ZNF630: variants seen among roughly 807,000 people sequenced by gnomAD.
ZNF630 encodes zinc finger protein 630.
A neutral mutation model predicts 7.2 loss-of-function variants in ZNF630; 5 were observed. The ratio of observed to expected loss-of-function variants is 0.70; its 90% confidence interval spans 0.36 to 1.46. ZNF630 has a LOEUF of 1.46. Among genes scored for constraint, ZNF630 ranks in the 40% most tolerant of loss-of-function variants. The probability of loss-of-function intolerance (pLI) is 0.03; values close to 1 mark genes in which losing one functional copy is unlikely to be tolerated. For missense variants in ZNF630, 461 were observed against 477.0 expected, an observed-to-expected ratio of 0.97 and a Z score of 0.31; for synonymous variants, 158 against 162.8, an observed-to-expected ratio of 0.97 and a Z score of 0.23.
At position 48,059,878 on chromosome X, in the gene ZNF630, A is replaced by G; in HGVS notation, c.564T>C (p.Asn188=). 2 of 1,207,878 alleles carry G rather than the reference A, an allele frequency of 1.7e-6. No homozygotes were observed. The highest frequency in any genetic ancestry group is 2.2e-6 in the Non-Finnish European group (2 of 892,990). The part of the protein sequence containing the change: ...FDSCENSLKS[N]SDLLNYNRSY... Reference sequence around the variant, plus strand: ...TCCTGTTATAATTTAGTAAGTCTGAATTAGACTTCAAGCTATTTTCACATG... The same window carrying G: ...TCCTGTTATAATTTAGTAAGTCTGAGTTAGACTTCAAGCTATTTTCACATG... Residue 188 remains asparagine, a synonymous_variant, in exon 5 of 5, where the codon AAT becomes AAC. Coordinates refer to ENST00000276054, the MANE Select transcript of ZNF630 (RefSeq NM_001282201.2).
In ZNF630 at chrX:48,059,413, T is replaced by A; in HGVS notation, c.1029A>T (p.Gly343=). 1 of 1,208,031 alleles carries A rather than the reference T, an allele frequency of 8.3e-7. No individual in the cohort carries two copies. The highest frequency in any genetic ancestry group is 1.8e-5 in the South Asian group (1 of 56,902). The change falls in exon 5 of 5, where the codon GGA becomes GGT. Residue 343 remains glycine, a synonymous_variant. Transcript: ENST00000276054. ...ACTCAAAACACTCATAGGGTTTCTC[T>A]CCAGTATGGACTCTCTGATGAACAG... The part of the protein sequence containing the change: ...PFTVHQRVHT[G]EKPYECFECP...
chrX:48,060,868 G>A lies in ZNF630; in HGVS notation c.93C>T (p.Thr31=), dbSNP rs782678004. Residue 31 remains threonine, a synonymous_variant, in exon 3 of 5, where the codon ACC becomes ACT. Coordinates refer to ENST00000276054, the MANE Select transcript of ZNF630 (RefSeq NM_001282201.2). ...TCTCCAGCATCACATCCCTATGCAG[G>A]GTCTTCTGAGCAGGATTCAACTGCT... The part of the protein sequence containing the change: ...EWQQLNPAQK[T]LHRDVMLETY... The A allele has an allele frequency of 8.3e-7, 1 of 1,205,410 alleles. No individual in the cohort carries two copies. The highest frequency in any genetic ancestry group is 1.1e-6 in the Non-Finnish European group (1 of 891,417).
Position 48,059,312 on chromosome X carries a change from C to G in ZNF630, c.1130G>C (p.Cys377Ser), listed in dbSNP as rs79085784. 4.6e-4 allele frequency: 556 copies of G among 1,207,014 alleles called. 7 individuals are homozygous for G. In the African/African-American group the frequency reaches 8.6e-3, roughly 19 times the overall value. The change falls in exon 5 of 5, where the codon TGC becomes TCC. Residue 377 changes from cysteine (C) to serine (S), a missense_variant. Physicochemically the swap from Cys to Ser is moderately radical, Grantham distance 112. Coordinates refer to ENST00000276054, the MANE Select transcript of ZNF630 (RefSeq NM_001282201.2). ...ACAGAAGGCTTTCCTGCATTCACTGCATTCAAAGGGCTTCTCTCTGGTATG... is the reference window on the plus strand; with the variant it reads ...ACAGAAGGCTTTCCTGCATTCACTGGATTCAAAGGGCTTCTCTCTGGTATG... Reference protein sequence around the residue: ...RVHTREKPFECSECRKAFCEM... With the variant: ...RVHTREKPFESSECRKAFCEM...
In ZNF630 at chrX:48,059,211, T is replaced by C. The variant is rs782535907; in HGVS notation, c.1231A>G (p.Thr411Ala). 139 of 1,207,908 alleles carry C rather than the reference T, an allele frequency of 1.2e-4. 4 individuals carry two copies. The highest frequency in any genetic ancestry group is 1.5e-4 in the Non-Finnish European group (138 of 892,987). Residue 411 changes from threonine (T) to alanine (A), a missense_variant, in exon 5 of 5, where the codon ACC becomes GCC. Coordinates refer to ENST00000276054, the MANE Select transcript of ZNF630 (RefSeq NM_001282201.2). ...ATGAGCTGTGTTTTCCGAGGGAAGGTCTTCCCACATTCAGTACATTCATAG... is the reference window on the plus strand; with the variant it reads ...ATGAGCTGTGTTTTCCGAGGGAAGGCCTTCCCACATTCAGTACATTCATAG... The part of the protein sequence containing the change: ...KPYECTECGK[T>A]FPRKTQLIIH...
At chrX:48,070,658 G>A (rs370003893) in intron 1 of ZNF630, among the ~76,000 whole-genome samples, 12 of 107,513 alleles carry the variant, frequency 1.1e-4, no homozygotes, top group African/African-American at 4.1e-4. Flanking sequence ...TTAAGAAAAG[G>A]GCAGAGAGTC....
chrX:48,065,897 A>G (rs782024452), intron 2 of ZNF630, among the ~76,000 whole-genome samples: 22 of 111,398 alleles, frequency 2.0e-4, no homozygotes, highest in Non-Finnish European at 3.8e-4. Context: ...TGGCTAGATC[A>G]TGATGATGAT....
At position 48,059,510 on chromosome X, in the gene ZNF630, C is replaced by T. The variant is rs2059090564; in HGVS notation, c.932G>A (p.Arg311Lys). 8.3e-7 allele frequency: 1 copy of T among 1,206,225 alleles called. No homozygotes were observed. Among genetic ancestry groups the T allele is most frequent in the Non-Finnish European group, 1.1e-6 (1 of 892,825 alleles). Residue 311 changes from arginine to lysine, a missense_variant, in exon 5 of 5, where the codon AGG (arginine) becomes AAG (lysine). Physicochemically the swap from Arg to Lys is conservative, Grantham distance 26. Transcript: ENST00000276054. ...ATAGGGTTTCTCCCCAGTATGAATCCTCTGATGCACAATGAGGTGTGATTT... is the reference window on the plus strand; with the variant it reads ...ATAGGGTTTCTCCCCAGTATGAATCTTCTGATGCACAATGAGGTGTGATTT... ...SEKSHLIVHQ[R>K]IHTGEKPYEC... is the part of the protein sequence containing the mutation.
At chrX:48,063,378 A>G (rs1350534579) in intron 2 of ZNF630, among the ~76,000 whole-genome samples, 2 of 111,486 alleles carry the variant, frequency 1.8e-5, no homozygotes, top group African/African-American at 6.5e-5. Context: ...GAGAAATACA[A>G]TATGGAAAAT....
Position 48,066,923 on chromosome X carries a change from T to C in ZNF630, c.-37A>G, listed in dbSNP as rs1556910164. On this transcript the variant is annotated 5_prime_UTR_variant, in exon 2 of 5. Coordinates refer to ENST00000276054, the MANE Select transcript of ZNF630 (RefSeq NM_001282201.2). ...CTTTGGAAAGCAGTTGGGGGCGGGG[T>C]GGGGTGCAGAAGAGTCTTCGGAGAT... 1.0e-5 allele frequency: 12 copies of C among 1,201,493 alleles called. No individual in the cohort carries two copies. Among genetic ancestry groups the C allele is most frequent in the Non-Finnish European group, 1.4e-5 (12 of 888,285 alleles).
chrX:48,069,102 G>T (rs890887354), intron 1 of ZNF630, among the ~76,000 whole-genome samples: 3 of 109,793 alleles, frequency 2.7e-5, no homozygotes, highest in Non-Finnish European at 3.8e-5. Flanking sequence ...TTAGCCGGGC[G>T]TGGTGGTGCA....
intron 2 of ZNF630, among the ~76,000 whole-genome samples, chrX:48,063,245 G>C (rs1291220549): frequency 2.5e-5 from 2 of 81,595 alleles, no homozygotes; most frequent in Admixed American, 1.5e-4. Flanking sequence ...AAAAGGTTGA[G>C]AGAAAAATCA....
At position 48,057,519 on chromosome X, in the gene ZNF630, G is replaced by A. The variant is rs180865428; in HGVS notation, c.*949C>T. ...AATGCATGAACTGCAACACAGGTGA[G>A]GGAGAGTAAAAGAAATAAAATATTA... is the stretch of plus-strand genomic sequence containing the variant. On this transcript the variant is annotated 3_prime_UTR_variant, in exon 5 of 5. Coordinates refer to ENST00000276054, the MANE Select transcript of ZNF630 (RefSeq NM_001282201.2). 2.7e-5 allele frequency among the ~76,000 whole-genome samples: 3 copies of A among 111,007 alleles called. No homozygotes were observed. The highest frequency in any genetic ancestry group is 2.8e-4 in the East Asian group (1 of 3,537).
At chrX:48,069,166 G>A (rs983170857) in intron 1 of ZNF630, among the ~76,000 whole-genome samples, 5 of 108,454 alleles carry the variant, frequency 4.6e-5, no homozygotes, top group East Asian at 5.8e-4. Flanking sequence ...ACTTGAATCC[G>A]GGAGGCGGAG....
In ZNF630 at chrX:48,067,050, C is replaced by T. The variant is rs1306816543; in HGVS notation, c.-164G>A. ...TCATCTGACTCGGTAATTCCATTTCCGGAACTTCGTCCTAAGGTAATAATC... is the reference window on the plus strand; with the variant it reads ...TCATCTGACTCGGTAATTCCATTTCTGGAACTTCGTCCTAAGGTAATAATC... On this transcript the variant is annotated 5_prime_UTR_variant, in exon 2 of 5. Coordinates refer to ENST00000276054, the MANE Select transcript of ZNF630 (RefSeq NM_001282201.2). 1.5e-5 allele frequency: 8 copies of T among 548,887 alleles called. No homozygotes were observed. Among genetic ancestry groups the T allele is most frequent in the African/African-American group, 7.0e-5 (3 of 43,085 alleles). 45.2% of individuals were successfully genotyped at this position (548,887 alleles called of 1,213,427 possible).
chrX:48,061,817 TC>T (rs2059106713), intron 2 of ZNF630: 1 of 317,420 alleles, frequency 3.2e-6, no homozygotes, highest in African/African-American at 2.7e-5. Context: ...ATTGTAAGTT[TC>T]CTGAGGCTTC....
chrX:48,069,927 G>A (rs1438356433), intron 1 of ZNF630, among the ~76,000 whole-genome samples: 2 of 104,246 alleles, frequency 1.9e-5, no homozygotes, highest in African/African-American at 7.0e-5. Context: ...GCGCGATCTC[G>A]GCTCACTGCA....
chrX:48,065,055 G>A (rs184359245), intron 2 of ZNF630, among the ~76,000 whole-genome samples: 1 of 112,083 alleles, frequency 8.9e-6, no homozygotes, highest in Admixed American at 9.5e-5. Flanking sequence ...CAAATTACTT[G>A]AAAATTACAA....
In ZNF630 at chrX:48,065,661, C is replaced by T. The variant is rs782670129; in HGVS notation, c.15+1211G>A. 9.8e-5 allele frequency among the ~76,000 whole-genome samples: 10 copies of T among 102,527 alleles called. No homozygotes were observed. In the South Asian group the frequency reaches 3.9e-3, roughly 40 times the overall value. 89.0% of individuals were successfully genotyped at this position (102,527 alleles called of 115,157 possible). A position where few individuals can be genotyped will look rare whatever the true frequency, so the allele number is the denominator to read the frequency against. The stretch of plus-strand genomic sequence containing the variant: ...TCGTGCCATTGCACTCCAGCCTGGG[C>T]GACAAGAGTGAAACTCCATCTCAAA... On this transcript the variant is annotated intron_variant, in intron 2 of 4. Transcript: ENST00000276054.
At position 48,059,016 on chromosome X, in the gene ZNF630, C is replaced by T. The variant is rs200157397; in HGVS notation, c.1426G>A (p.Gly476Ser). The change falls in exon 5 of 5, where the codon GGC (glycine) becomes AGC (serine). Residue 476 changes from glycine (G) to serine (S), a missense_variant. Physicochemically the swap from Gly to Ser is moderately conservative, Grantham distance 56. Transcript: ENST00000276054. ...KAFSQKSHLT[G>S]HQRLHTGEKP... ...TCTCCAGTATGAAGTCTTTGATGGC[C>T]AGTGAGGTGTGACTTCTGGGAAAAG... 547 of 1,205,454 alleles carry T rather than the reference C, an allele frequency of 4.5e-4. 7 individuals are homozygous for T. The highest frequency in any genetic ancestry group is 5.8e-4 in the Non-Finnish European group (517 of 892,434).
Sources: gnomAD v4.1 joint callset for allele counts (sites outside exome capture counted in the v4.1 genomes callset) on GRCh38, gnomAD v4.1.1 for gene constraint, MANE v1.5 for transcripts, NCBI Gene and HGNC (gene_info 2026-07-23, HGNC 2026-07-21) for gene names.